RBM47: variants seen among roughly 807,000 people sequenced by gnomAD.
The protein encoded by RBM47 is RNA-binding protein 47.
A neutral mutation model predicts 47.1 loss-of-function variants in RBM47; 21 were observed. The observed-to-expected ratio is 0.45, with a 90% CI of 0.32 to 0.64. The LOEUF is 0.64. RBM47 is among the 30% of genes least tolerant of loss of function. The probability of loss-of-function intolerance (pLI) is 0.05; values close to 1 mark genes in which losing one functional copy is unlikely to be tolerated. For missense variants in RBM47, 708 were observed against 870.9 expected (o/e 0.81, Z 2.35); for synonymous variants, 375 against 361.7 (o/e 1.04, Z -0.42).
At chr4:40,552,323 G>A (rs1219781977) in intron 1 of RBM47, among the ~76,000 whole-genome samples, 2 of 152,154 alleles carry the variant, frequency 1.3e-5, no homozygotes, top group Admixed American at 6.5e-5. Context: ...GCTTGAACCT[G>A]GGAGGTGGAG....
At chr4:40,489,587 T>C (rs531449194) in intron 2 of RBM47, among the ~76,000 whole-genome samples, 11 of 152,078 alleles carry the variant, frequency 7.2e-5, no homozygotes, top group South Asian at 6.2e-4. Flanking sequence ...AGAGGAGAAA[T>C]TCCTAGAAAG....
intron 3 of RBM47, among the ~76,000 whole-genome samples, chr4:40,444,962 A>G (rs1200289181): frequency 1.3e-5 from 2 of 151,692 alleles, no homozygotes; most frequent in Non-Finnish European, 2.9e-5. Flanking sequence ...CCCGGCCTTA[A>G]ATTCTAACAT....
At chr4:40,574,429 T>C (rs1294330955) in intron 1 of RBM47, among the ~76,000 whole-genome samples, 2 of 152,186 alleles carry the variant, frequency 1.3e-5, no homozygotes, top group Non-Finnish European at 2.9e-5. Flanking sequence ...CCAAAAATAA[T>C]TCAACAGAAT....
chr4:40,547,357 C>T (rs1199677110), intron 1 of RBM47, among the ~76,000 whole-genome samples: 1 of 152,120 alleles, frequency 6.6e-6, no homozygotes. Flanking sequence ...CCAGTGTCTT[C>T]ATAAGAAGAG....
chr4:40,573,661 C>T (rs920860951), intron 1 of RBM47, among the ~76,000 whole-genome samples: 1 of 151,422 alleles, frequency 6.6e-6, no homozygotes, highest in African/African-American at 2.4e-5. Context: ...ACCCGGGAGG[C>T]AGAGGTTGGT....
At chr4:40,437,091 ATATATATATATATATATAT>A (rs1712641275) in intron 4 of RBM47, among the ~76,000 whole-genome samples, 1 of 32,480 alleles carries the variant, frequency 3.1e-5, no homozygotes, top group Non-Finnish European at 5.6e-5. Context: ...AAAAAAAAAA[ATATATATATATATATATAT>A]AAAATACATA....
intron 1 of RBM47, among the ~76,000 whole-genome samples, chr4:40,585,247 T>G (rs1733439859): frequency 6.6e-6 from 1 of 152,076 alleles, no homozygotes; most frequent in Non-Finnish European, 1.5e-5. Context: ...ATTTTAAAAC[T>G]TTGCTGTCCA....
intron 2 of RBM47, among the ~76,000 whole-genome samples, chr4:40,469,460 G>A (rs1285816033): frequency 2.2e-5 from 3 of 138,080 alleles, no homozygotes; most frequent in Non-Finnish European, 3.0e-5. Context: ...TTGAGATGGC[G>A]TCTCACTCCA....
intron 6 of RBM47, among the ~76,000 whole-genome samples, chr4:40,429,587 C>T (rs1212417859): frequency 1.3e-5 from 2 of 148,194 alleles, no homozygotes; most frequent in Non-Finnish European, 3.0e-5. Flanking sequence ...CTAAAAAGTG[C>T]CTCTAGCAGG....
chr4:40,561,575 G>C (rs1730638399), intron 1 of RBM47, among the ~76,000 whole-genome samples: 2 of 144,850 alleles, frequency 1.4e-5, no homozygotes, highest in Admixed American at 7.0e-5. Flanking sequence ...TTTGAGACAG[G>C]GTCTTGCTCT....
In RBM47 at chr4:40,432,521, T is replaced by C. The variant is rs1039290692; in HGVS notation, c.1542+130A>G. On this transcript the variant is annotated intron_variant, in intron 6 of 6. Coordinates refer to ENST00000295971, the MANE Select transcript of RBM47 (RefSeq NM_001098634.2). ...TGTCATGCTTCAAATTCAAAATGCT[T>C]TGTGTCACCCAACCATAGCTGTAAC... 2.2e-5 allele frequency: 32 copies of C among 1,472,972 alleles called. No homozygotes were observed. In the Admixed American group the frequency reaches 5.3e-4, roughly 24 times the overall value. 91.2% of individuals were successfully genotyped at this position (1,472,972 alleles called of 1,614,324 possible).
At chr4:40,616,363 A>C (rs1212008598) in intron 1 of RBM47, among the ~76,000 whole-genome samples, 2 of 122,508 alleles carry the variant, frequency 1.6e-5, no homozygotes, top group Non-Finnish European at 3.6e-5. Flanking sequence ...CAAAAAAAAA[A>C]AAAAGAAAAA....
chr4:40,517,373 A>G (rs1725703613), intron 2 of RBM47, among the ~76,000 whole-genome samples: 1 of 151,934 alleles, frequency 6.6e-6, no homozygotes, highest in African/African-American at 2.4e-5. Context: ...CTGATCTCAA[A>G]TGATCCACCC....
intron 2 of RBM47, among the ~76,000 whole-genome samples, chr4:40,479,535 A>G (rs1423914864): frequency 2.0e-5 from 3 of 152,176 alleles, no homozygotes; most frequent in African/African-American, 7.2e-5. Context: ...TTGAGGCTGC[A>G]GTGAGCCATG....
In RBM47 at chr4:40,498,479, G is replaced by A. The variant is rs182638187; in HGVS notation, c.-154-31780C>T. Among the ~76,000 whole-genome samples, 33 of 152,026 alleles carry A rather than the reference G, an allele frequency of 2.2e-4. 1 individual carries two copies. The highest frequency in any genetic ancestry group is 5.2e-4 in the Admixed American group (8 of 15,268). ...GGATCACCTGAGGTCAGGAGGTTGA[G>A]ACCAGCCTGGCCAACATGGGGAAAC... On this transcript the variant is annotated intron_variant, in intron 2 of 6. Coordinates refer to ENST00000295971, the MANE Select transcript of RBM47 (RefSeq NM_001098634.2).
chr4:40,426,041 T>C lies in RBM47; in HGVS notation c.1645A>G (p.Thr549Ala). Reference protein sequence around the residue: ...ASYVPFAAPATATIATLQKNA... With the variant: ...ASYVPFAAPAAATIATLQKNA... ...TTCTGTAGTGTGGCGATCGTGGCTGTAGCTGGAGCAGCAAATGGCACGTAA... is the reference window on the plus strand; with the variant it reads ...TTCTGTAGTGTGGCGATCGTGGCTGCAGCTGGAGCAGCAAATGGCACGTAA... Residue 549 changes from threonine (T) to alanine (A), a missense_variant, in exon 7 of 7, where the codon ACA (threonine) becomes GCA (alanine). Physicochemically the swap from Thr to Ala is moderately conservative, Grantham distance 58 (BLOSUM62 0). Coordinates refer to ENST00000295971, the MANE Select transcript of RBM47 (RefSeq NM_001098634.2). The C allele has an allele frequency of 6.2e-7, 1 of 1,614,234 alleles. No individual in the cohort carries two copies. The highest frequency in any genetic ancestry group is 1.1e-5 in the South Asian group (1 of 91,086).
At chr4:40,546,249 C>T (rs970537593) in intron 1 of RBM47, among the ~76,000 whole-genome samples, 2 of 151,970 alleles carry the variant, frequency 1.3e-5, no homozygotes, top group African/African-American at 4.8e-5. Flanking sequence ...CTCCCGGGTT[C>T]AAGTGATTCT....
chr4:40,430,818 G>A (rs781280351), intron 6 of RBM47, among the ~76,000 whole-genome samples: 3 of 152,206 alleles, frequency 2.0e-5, no homozygotes, highest in African/African-American at 4.8e-5. Flanking sequence ...TGTAGGCAAC[G>A]GCTCATGCCT....
At chr4:40,595,509 TAGAAA>T (rs1218029858) in intron 1 of RBM47, among the ~76,000 whole-genome samples, 2 of 151,764 alleles carry the variant, frequency 1.3e-5, no homozygotes, top group Non-Finnish European at 2.9e-5. Context: ...GAGAAAAGGA[TAGAAA>T]AGAAAAGAAA....
Sources: allele counts gnomAD v4.1 joint callset (sites outside exome capture counted in the v4.1 genomes callset), GRCh38; gene constraint gnomAD v4.1.1; transcripts MANE v1.5; gene names NCBI Gene and HGNC (gene_info 2026-07-23, HGNC 2026-07-21).